HDLBP: variants seen among roughly 807,000 people sequenced by gnomAD.
The protein encoded by HDLBP is high density lipoprotein binding protein.
HDLBP carries 30 observed loss-of-function variants against 137.3 expected under a neutral mutation model. The observed-to-expected ratio is 0.22, with a 90% confidence interval of 0.16 to 0.30. HDLBP has a LOEUF of 0.30. Ranked by LOEUF, HDLBP falls within the 10% of genes least tolerant of loss-of-function variation. The probability of loss-of-function intolerance (pLI) is 1.00; values close to 1 mark genes in which losing one functional copy is unlikely to be tolerated. For missense variants in HDLBP, 1,119 were observed against 1,667.3 expected (o/e 0.67, Z 5.73); for synonymous variants, 606 against 596.0 (o/e 1.02, Z -0.24).
chr2:241,283,460 T>C (rs2074686150), intron 1 of HDLBP, among the ~76,000 whole-genome samples: 1 of 151,918 alleles, frequency 6.6e-6, no homozygotes, highest in South Asian at 2.1e-4. Flanking sequence ...AGGACTTTGA[T>C]AGCTAGATGG....
At chr2:241,297,507 G>C (rs887236336) in intron 1 of HDLBP, among the ~76,000 whole-genome samples, 1 of 152,154 alleles carries the variant, frequency 6.6e-6, no homozygotes, top group South Asian at 2.1e-4. Context: ...AAATACACAC[G>C]CATGTAGCTG....
chr2:241,242,847 G>C (rs765583171), intron 16 of HDLBP, 169 bp from the exon 17 acceptor site: 1 of 643,548 alleles, frequency 1.6e-6, no homozygotes, highest in Non-Finnish European at 2.8e-6. Context: ...TGACCTGCAC[G>C]GGGGAGGAGA....
chr2:241,242,378 G>A lies in HDLBP; in HGVS notation c.2169+82C>T. ...ACCCGCCACAAAGGAAGGGCATTCA[G>A]GGGTTTCCACAGTGAGAAGCGAGAA... On this transcript the variant is annotated intron_variant, in intron 17 of 27. Transcript: ENST00000310931. 3.4e-6 allele frequency: 4 copies of A among 1,171,222 alleles called. No individual in the cohort carries two copies. The South Asian group carries it at 5.2e-5, about 15-fold the overall frequency. The allele number at this position is 1,171,222 out of a possible 1,614,324, so 72.6% of individuals were successfully genotyped here.
rs1393623110 is a variant in HDLBP, at chr2:241,253,012, C to A, written c.1317G>T (p.Glu439Asp). The change falls in exon 11 of 28, where the codon GAG becomes GAT. Residue 439 changes from glutamate (E) to aspartate (D), a missense_variant. By Grantham distance (45) the Glu-to-Asp change is conservative. Around this residue, in one of 4 missense-constraint regions of HDLBP, gnomAD observed 425 missense variants for 693.9 expected, o/e 0.61. Transcript: ENST00000310931. ...TGTGGAACTTGTGGTCGATGTTGAT[C>A]TCCACATAGTCCATCCGGTTAATCT... ...KDLINRMDYVEINIDHKFHRH... is the reference protein window; with the variant it reads ...KDLINRMDYVDINIDHKFHRH... 2 of 1,608,898 alleles carry A rather than the reference C, an allele frequency of 1.2e-6. No homozygotes were observed. The highest frequency in any genetic ancestry group is 1.3e-5 in the African/African-American group (1 of 74,860).
rs979236127 is a variant in HDLBP, at chr2:241,239,208, G to A, written c.2610+394C>T. 3.9e-5 allele frequency among the ~76,000 whole-genome samples: 6 copies of A among 152,210 alleles called. No homozygotes were observed. The highest frequency in any genetic ancestry group is 3.8e-4 in the East Asian group (2 of 5,200). Reference sequence around the variant, plus strand: ...TTCTCATGACTTCCCATGGATTCACGTGGATGCCCTCAAATCGATTTTCTT... The same window carrying A: ...TTCTCATGACTTCCCATGGATTCACATGGATGCCCTCAAATCGATTTTCTT... On this transcript the variant is annotated intron_variant, in intron 19 of 27. Transcript: ENST00000310931. This position sits in a 1 kb window ranked among gnomAD's most constrained non-coding sequence, Gnocchi z 4.6.
At position 241,254,946 on chromosome 2, in the gene HDLBP, G is replaced by C. The variant is rs1479400234; in HGVS notation, c.1188+105C>G. 4.5e-6 allele frequency: 4 copies of C among 884,730 alleles called. No homozygotes were observed. In the Admixed American group the frequency reaches 7.5e-5, roughly 17 times the overall value. 54.8% of individuals were successfully genotyped at this position (884,730 alleles called of 1,614,324 possible). A position where few individuals can be genotyped will look rare whatever the true frequency, so the allele number is the denominator to read the frequency against. ...CCAGTTAATTCAGAAAAATACACCA[G>C]TTTTCAAGGGCATCCACAGTACAAA... is the stretch of plus-strand genomic sequence containing the variant. On this transcript the variant is annotated intron_variant, in intron 9 of 27. Coordinates refer to ENST00000310931, the MANE Select transcript of HDLBP (RefSeq NM_005336.6).
intron 1 of HDLBP, among the ~76,000 whole-genome samples, chr2:241,309,078 A>G (rs1380091453): frequency 6.6e-6 from 1 of 152,126 alleles, no homozygotes; most frequent in Non-Finnish European, 1.5e-5. Context: ...ATCGCTGCCC[A>G]TGGCTTGTTT....
intron 1 of HDLBP, among the ~76,000 whole-genome samples, chr2:241,287,837 G>A (rs2074877899): frequency 6.6e-6 from 1 of 152,196 alleles, no homozygotes; most frequent in Non-Finnish European, 1.5e-5. Context: ...CAAAAGGACA[G>A]GAAGTCCAGA....
chr2:241,306,528 G>A (rs181330833), intron 1 of HDLBP, among the ~76,000 whole-genome samples: 1 of 152,204 alleles, frequency 6.6e-6, no homozygotes, highest in Non-Finnish European at 1.5e-5. Flanking sequence ...CAAAGTGCTG[G>A]GACTACAGGC....
intron 1 of HDLBP, among the ~76,000 whole-genome samples, chr2:241,297,942 G>A (rs1250213129): frequency 1.3e-5 from 2 of 150,974 alleles, no homozygotes; most frequent in Non-Finnish European, 2.9e-5. Context: ...CAGCTACCGG[G>A]GAGGCTGAGG....
At chr2:241,302,125 G>C (rs1432760246) in intron 1 of HDLBP, among the ~76,000 whole-genome samples, 1 of 151,904 alleles carries the variant, frequency 6.6e-6, no homozygotes, top group African/African-American at 2.4e-5. Flanking sequence ...CAGGTACAGT[G>C]CCTGTAGTAT....
At chr2:241,245,151 C>A (rs1396912886) in intron 16 of HDLBP, among the ~76,000 whole-genome samples, 1 of 151,192 alleles carries the variant, frequency 6.6e-6, no homozygotes. Context: ...TATATAATCA[C>A]AACTGTAATT....
chr2:241,293,544 T>G (rs1251720675), intron 1 of HDLBP, among the ~76,000 whole-genome samples: 1 of 151,116 alleles, frequency 6.6e-6, no homozygotes, highest in Non-Finnish European at 1.5e-5. Context: ...CCCAGGAGGT[T>G]GAGCCTGCAG....
At chr2:241,280,636 AC>A (rs1285943150) in intron 1 of HDLBP, among the ~76,000 whole-genome samples, 1 of 152,174 alleles carries the variant, frequency 6.6e-6, no homozygotes, top group Non-Finnish European at 1.5e-5. Flanking sequence ...CATTATAGGC[AC>A]CTATAATGAG....
intron 20 of HDLBP, among the ~76,000 whole-genome samples, chr2:241,237,790 T>C (rs4675819): frequency 0.033 from 5,091 of 152,326 alleles, 528 homozygotes; most frequent in Admixed American, 0.19. Flanking sequence ...CTTTATACTA[T>C]TCTGTGAAAT....
At chr2:241,244,212 G>C (rs1377855349) in intron 16 of HDLBP, among the ~76,000 whole-genome samples, 1 of 152,120 alleles carries the variant, frequency 6.6e-6, no homozygotes, top group Admixed American at 6.6e-5. Context: ...AATAAACAGA[G>C]CACAAGTAGA....
Position 241,255,398 on chromosome 2 carries a change from C to G in HDLBP, c.1056G>C (p.Gln352His), listed in dbSNP as rs750410025. Residue 352 changes from glutamine to histidine, a missense_variant, in exon 8 of 28, where the codon CAG (glutamine) becomes CAC (histidine). Gln to His is a conservative substitution (Grantham distance 24, BLOSUM62 0). Coordinates refer to ENST00000310931, the MANE Select transcript of HDLBP (RefSeq NM_005336.6). ...ILRGEPEKLGQALTEVYAKAN... is the reference protein window; with the variant it reads ...ILRGEPEKLGHALTEVYAKAN... ...CCTTGGCATAGACTTCAGTCAACGC[C>G]TGACCTAACTTTTCAGGTTCGCCTC... The G allele has an allele frequency of 1.9e-6, 3 of 1,614,208 alleles. No individual in the cohort carries two copies. In the East Asian group the frequency reaches 6.7e-5, roughly 36 times the overall value.
chr2:241,237,687 G>T (rs1422656741), intron 20 of HDLBP, among the ~76,000 whole-genome samples: 2 of 151,888 alleles, frequency 1.3e-5, no homozygotes, highest in Non-Finnish European at 2.9e-5. Context: ...TACCCACCAT[G>T]AATAAAGGGA....
chr2:241,241,026 C>T (rs1343017780), intron 17 of HDLBP, among the ~76,000 whole-genome samples: 1 of 152,150 alleles, frequency 6.6e-6, no homozygotes, highest in Non-Finnish European at 1.5e-5. Context: ...TTTTCAAAGA[C>T]ATCCACAAAT....
Sources: gnomAD v4.1 joint callset for allele counts (sites outside exome capture counted in the v4.1 genomes callset) on GRCh38, gnomAD v4.1.1 for gene constraint, gnomAD v4.1.1 regional missense constraint, Gnocchi (gnomAD v3.1) non-coding constraint, MANE v1.5 for transcripts, NCBI Gene and HGNC (gene_info 2026-07-23, HGNC 2026-07-21) for gene names.